RB1: variants seen among roughly 807,000 people sequenced by gnomAD.
RB1 encodes RB transcriptional corepressor 1.
RB1 carries 18 observed loss-of-function variants against 135.4 expected under a neutral mutation model. That is an observed-to-expected ratio of 0.13 (90% CI 0.09 to 0.20). The LOEUF (loss-of-function observed/expected upper bound fraction) is 0.20, where lower values mean the gene tolerates loss of function less well. RB1 is among the 10% of genes least tolerant of loss of function. The probability of loss-of-function intolerance (pLI) is 1.00; values close to 1 mark genes in which losing one functional copy is unlikely to be tolerated. For synonymous variants in RB1, 365 were observed against 373.2 expected, an observed-to-expected ratio of 0.98 and a Z score of 0.25; for missense variants, 868 against 1,110.0, an observed-to-expected ratio of 0.78 and a Z score of 3.10.
intron 17 of RB1, among the ~76,000 whole-genome samples, chr13:48,410,051 C>T (rs1410394220): frequency 6.6e-6 from 1 of 152,068 alleles, no homozygotes; most frequent in Non-Finnish European, 1.5e-5. Flanking sequence ...ATGTAAGGAA[C>T]TGTGTCCTTA....
intron 2 of RB1, chr13:48,317,146 C>G: frequency 1.2e-6 from 1 of 854,072 alleles, no homozygotes; most frequent in Non-Finnish European, 1.6e-6. Context: ...GCCTGGGCCT[C>G]CCTGAAGGCA....
At chr13:48,353,921 G>T (rs1952569903) in intron 6 of RB1, among the ~76,000 whole-genome samples, 2 of 151,930 alleles carry the variant, frequency 1.3e-5, no homozygotes. Context: ...AAAACCTGAG[G>T]ATAGAAGGAA....
At chr13:48,444,774 C>T (rs971922267) in intron 17 of RB1, 2 of 152,066 alleles carry the variant, frequency 1.3e-5, no homozygotes, top group Non-Finnish European at 2.9e-5. Flanking sequence ...GGGCAAAAAC[C>T]ATCTCTGGGG....
rs886084957 is a variant in RB1 at position 48,480,240 on chromosome 13, C to T, written c.*169C>T. 6.3e-6 allele frequency: 4 copies of T among 630,494 alleles called. No individual in the cohort carries two copies. The highest frequency in any genetic ancestry group is 1.9e-5 in the South Asian group (1 of 53,906). The allele number at this position is 630,494 out of a possible 1,614,324, so 39.1% of individuals were successfully genotyped here. A position where few individuals can be genotyped will look rare whatever the true frequency, so the allele number is the denominator to read the frequency against. On this transcript the variant is annotated 3_prime_UTR_variant, in exon 27 of 27. Coordinates refer to ENST00000267163, the MANE Select transcript of RB1 (RefSeq NM_000321.3). ...AATTGTTTGGGTGATTCCTAAGCCA[C>T]TTGAAATGTTAGTCATTGTTATTTA... is the stretch of plus-strand genomic sequence containing the variant.
intron 17 of RB1, among the ~76,000 whole-genome samples, chr13:48,400,406 G>A (rs1315195761): frequency 6.6e-6 from 1 of 152,162 alleles, no homozygotes; most frequent in Non-Finnish European, 1.5e-5. Context: ...TGGTTCCAGA[G>A]ACTATACTTT....
intron 24 of RB1, 32 bp from the exon 25 acceptor site, chr13:48,476,669 T>C (rs1192031982): frequency 9.4e-6 from 15 of 1,603,032 alleles, no homozygotes; most frequent in Non-Finnish European, 1.3e-5. Flanking sequence ...TGGCATTTAA[T>C]GATTTAAAGT....
chr13:48,401,215 CTT>C (rs1422054148), intron 17 of RB1: 1 of 152,108 alleles, frequency 6.6e-6, no homozygotes, highest in African/African-American at 2.4e-5. Context: ...CACATATACT[CTT>C]ATTCAGAGAA....
At chr13:48,326,069 G>T (rs1952284979) in intron 2 of RB1, among the ~76,000 whole-genome samples, 1 of 151,940 alleles carries the variant, frequency 6.6e-6, no homozygotes, top group African/African-American at 2.4e-5. Context: ...CATAGTATAT[G>T]GTTTACCTAT....
At chr13:48,388,808 A>C (rs991761698) in intron 17 of RB1, among the ~76,000 whole-genome samples, 3 of 152,180 alleles carry the variant, frequency 2.0e-5, no homozygotes, top group Non-Finnish European at 4.4e-5. Flanking sequence ...CTGTGCCTAC[A>C]AAAGAGATTG....
rs1949484533 is a variant in RB1 at position 48,473,390 on chromosome 13, G to C, written c.2520G>C (p.Gly840=). The C allele has an allele frequency of 2.6e-6, 4 of 1,561,724 alleles. No homozygotes were observed. The highest frequency in any genetic ancestry group is 1.4e-5 in the African/African-American group (1 of 73,662). ...TAGTATCAATTGGTGAATCATTCGG[G>C]GTGAGTATTTTCTTTCTATGAAATA... ...RILVSIGESF[G]TSEKFQKINQ... Residue 840 remains glycine, a splice_region_variant and synonymous_variant, in exon 24 of 27, where the codon GGG becomes GGC. Coordinates refer to ENST00000267163, the MANE Select transcript of RB1 (RefSeq NM_000321.3).
chr13:48,307,468 C>G, intron 2 of RB1, 62 bp downstream of exon 2: 5 of 1,474,802 alleles, frequency 3.4e-6, no homozygotes, highest in Non-Finnish European at 4.7e-6. Flanking sequence ...AACTTCAAAT[C>G]ACTATACAAA....
intron 23 of RB1, among the ~76,000 whole-genome samples, chr13:48,471,407 T>C (rs198599): frequency 0.55 from 40,281 of 72,654 alleles, 13,586 homozygotes; most frequent in Middle Eastern, 0.74. Flanking sequence ...CTGGGGACTG[T>C]GGTGGGGTCG....
rs1949510698 is a variant in RB1, at chr13:48,477,420, A to G, written c.2713+16A>G. The G allele has an allele frequency of 6.3e-7, 1 of 1,581,666 alleles. No homozygotes were observed. Among genetic ancestry groups the G allele is most frequent in the Non-Finnish European group, 8.7e-7 (1 of 1,151,376 alleles). On this transcript the variant is annotated intron_variant, in intron 26 of 26. Transcript: ENST00000267163. ...GCAGAAATGAGTAAGTACTTTTTTC[A>G]CCTTGTGTAAATGAAATAAACAATT...
At position 48,360,004 on chromosome 13, in the gene RB1, A is replaced by T. The variant is rs751643356; in HGVS notation, c.608-13A>T. On this transcript the variant is annotated splice_polypyrimidine_tract_variant and intron_variant, in intron 6 of 26. Coordinates refer to ENST00000267163, the MANE Select transcript of RB1 (RefSeq NM_000321.3). ...TCTCTAACTTTCTTTAAAAATGTAC[A>T]TTTTTTTTTCAGGGGAAGTATTACA... is the stretch of plus-strand genomic sequence containing the variant. The T allele has an allele frequency of 3.8e-6, 6 of 1,595,090 alleles. No homozygotes were observed. Among genetic ancestry groups the T allele is most frequent in the South Asian group, 3.3e-5 (3 of 89,978 alleles).
At chr13:48,457,431 G>A (rs1949367834) in intron 19 of RB1, among the ~76,000 whole-genome samples, 2 of 152,152 alleles carry the variant, frequency 1.3e-5, no homozygotes, top group Admixed American at 1.3e-4. Flanking sequence ...GGGCCTCAGC[G>A]GGAAGAAAGT....
At chr13:48,376,616 TA>T (rs1411418239) in intron 12 of RB1, among the ~76,000 whole-genome samples, 7 of 152,208 alleles carry the variant, frequency 4.6e-5, no homozygotes, top group African/African-American at 1.7e-4. Flanking sequence ...GAAGGTATTT[TA>T]TGAGAATGTA....
At chr13:48,476,984 A>G (rs979422279) in intron 25 of RB1, 141 bp downstream of exon 25, 1 of 1,106,150 alleles carries the variant, frequency 9.0e-7, no homozygotes, top group African/African-American at 1.5e-5. Flanking sequence ...AAAATAATAG[A>G]TATGAGTGTA....
chr13:48,352,106 T>C (rs1952553769), intron 6 of RB1, among the ~76,000 whole-genome samples: 1 of 152,218 alleles, frequency 6.6e-6, no homozygotes, highest in Non-Finnish European at 1.5e-5. Context: ...TCCCCATTGC[T>C]TGCTTTTGTC....
intron 26 of RB1, among the ~76,000 whole-genome samples, 154 bp downstream of exon 26, chr13:48,477,558 C>T (rs1333138030): frequency 6.6e-6 from 1 of 152,162 alleles, no homozygotes; most frequent in African/African-American, 2.4e-5. Context: ...TATCTACAAA[C>T]ATTTGTGGAT....
Sources: allele counts gnomAD v4.1 joint callset (sites outside exome capture counted in the v4.1 genomes callset), GRCh38; gene constraint gnomAD v4.1.1; transcripts MANE v1.5; gene names NCBI Gene and HGNC (gene_info 2026-07-23, HGNC 2026-07-21).